The following EPHA5 variants were observed in gnomAD, a reference collection of about 807,000 sequenced individuals.
EPHA5 encodes the protein EPH receptor A5.
Under a neutral mutation model 105.0 loss-of-function variants are expected in EPHA5, and 60 were observed. The ratio of observed to expected loss-of-function variants is 0.57; its 90% CI spans 0.46 to 0.71. The LOEUF is 0.71. Ranked by LOEUF, EPHA5 falls within the 30% of genes least tolerant of loss-of-function variation. The pLI is 0.00. For missense variants in EPHA5, 1,218 were observed against 1,274.7 expected, an observed-to-expected ratio of 0.96 and a Z score of 0.68; for synonymous variants, 513 against 449.1, an observed-to-expected ratio of 1.14 and a Z score of -1.80.
intron 3 of EPHA5, among the ~76,000 whole-genome samples, chr4:65,526,472 T>C (rs192882528): frequency 2.6e-3 from 397 of 152,114 alleles, no homozygotes; most frequent in African/African-American, 9.0e-3. Context: ...ATTAAAAATT[T>C]GATTTCATTG....
chr4:65,433,443 G>T (rs1725177421), intron 5 of EPHA5, among the ~76,000 whole-genome samples: 1 of 152,128 alleles, frequency 6.6e-6, no homozygotes, highest in Admixed American at 6.6e-5. Context: ...GCCAGAACAT[G>T]CATAGTTAAA....
chr4:65,338,683 C>A (rs900771242), intron 14 of EPHA5, among the ~76,000 whole-genome samples: 1 of 152,008 alleles, frequency 6.6e-6, no homozygotes, highest in African/African-American at 2.4e-5. Context: ...AAATTTAATT[C>A]TAAATTAATT....
At chr4:65,455,711 A>G (rs530965731) in intron 5 of EPHA5, among the ~76,000 whole-genome samples, 1 of 152,294 alleles carries the variant, frequency 6.6e-6, no homozygotes, top group Non-Finnish European at 1.5e-5. Context: ...CACATAAAGA[A>G]AAAAAGCAGA....
intron 14 of EPHA5, among the ~76,000 whole-genome samples, chr4:65,337,085 T>C (rs1007226944): frequency 6.6e-6 from 1 of 152,102 alleles, no homozygotes; most frequent in Non-Finnish European, 1.5e-5. Flanking sequence ...TTTTTTTTTC[T>C]TTTTCTGCTG....
In EPHA5 at chr4:65,564,406, C is replaced by T. The variant is rs567418472; in HGVS notation, c.910+37235G>A. Among the ~76,000 whole-genome samples the T allele has an allele frequency of 4.6e-5, 7 of 151,830 alleles. No homozygotes were observed. In the South Asian group the frequency reaches 1.2e-3, roughly 27 times the overall value. Reference sequence around the variant, plus strand: ...TTACATTAGGAGATTGTCAAAATTACTTATTCCTTTTCTTCCTCATTTTCA... The same window carrying T: ...TTACATTAGGAGATTGTCAAAATTATTTATTCCTTTTCTTCCTCATTTTCA... On this transcript the variant is annotated intron_variant, in intron 3 of 16. Transcript: ENST00000613740.
Position 65,530,569 on chromosome 4 carries a change from A to G in EPHA5, c.911-35026T>C, listed in dbSNP as rs1578348869. 3.3e-5 allele frequency among the ~76,000 whole-genome samples: 5 copies of G among 152,306 alleles called. 2 individuals carry two copies. The highest frequency in any genetic ancestry group is 3.3e-4 in the Admixed American group (5 of 15,298). ...GTAAATTATAGAAATTGTTGAATAAATTGTAGAAATCCAGCATAAATTGAG... is the reference window on the plus strand; with the variant it reads ...GTAAATTATAGAAATTGTTGAATAAGTTGTAGAAATCCAGCATAAATTGAG... On this transcript the variant is annotated intron_variant, in intron 3 of 16. Coordinates refer to ENST00000613740, the MANE Select transcript of EPHA5 (RefSeq NM_001281766.3).
intron 5 of EPHA5, among the ~76,000 whole-genome samples, chr4:65,432,109 A>T (rs375707918): frequency 6.6e-6 from 1 of 152,190 alleles, no homozygotes; most frequent in African/African-American, 2.4e-5. Context: ...AGCCTTTATG[A>T]CATTATGTTA....
chr4:65,512,285 T>C (rs1352730283), intron 3 of EPHA5, among the ~76,000 whole-genome samples: 2 of 152,112 alleles, frequency 1.3e-5, no homozygotes, highest in East Asian at 1.9e-4. Flanking sequence ...ACATTGCTAG[T>C]GGTCGGTGAG....
intron 3 of EPHA5, among the ~76,000 whole-genome samples, chr4:65,519,995 A>G (rs1284671993): frequency 6.6e-6 from 1 of 152,196 alleles, no homozygotes; most frequent in Admixed American, 6.5e-5. Context: ...TCAAGCTACC[A>G]ATGACTTTCT....
chr4:65,419,765 T>A (rs62298035), intron 6 of EPHA5, among the ~76,000 whole-genome samples: 15,127 of 152,176 alleles, frequency 0.099, 975 homozygotes, highest in Middle Eastern at 0.23. Flanking sequence ...TCAGCTTCCA[T>A]CTGTATGACT....
rs1298714075 is a variant in EPHA5, at chr4:65,319,766, T to G, written c.*4348A>C. 1 of 227,890 alleles carries G rather than the reference T, an allele frequency of 4.4e-6. No homozygotes were observed. The highest frequency in any genetic ancestry group is 6.2e-5 in the East Asian group (1 of 16,032). The allele number at this position is 227,890 out of a possible 1,614,324, so 14.1% of individuals were successfully genotyped here. On this transcript the variant is annotated 3_prime_UTR_variant, in exon 17 of 17. Transcript: ENST00000613740. The stretch of plus-strand genomic sequence containing the variant: ...CATAGAATAAGATATGCTATATAGC[T>G]GCTTCTGACATGTCTGAAACTAAGA...
At chr4:65,424,662 T>G (rs932151645) in intron 5 of EPHA5, among the ~76,000 whole-genome samples, 1 of 152,086 alleles carries the variant, frequency 6.6e-6, no homozygotes, top group Non-Finnish European at 1.5e-5. Flanking sequence ...TATTTGTCGC[T>G]TCTTCTCTGA....
At chr4:65,599,348 AACAC>A (rs71657190) in intron 3 of EPHA5, among the ~76,000 whole-genome samples, 9,151 of 148,650 alleles carry the variant, frequency 0.062, 374 homozygotes, top group Admixed American at 0.11. Flanking sequence ...GGCATTTTAT[AACAC>A]ACACACACAC....
At chr4:65,460,654 A>G (rs184130856) in intron 5 of EPHA5, among the ~76,000 whole-genome samples, 79 of 151,844 alleles carry the variant, frequency 5.2e-4, no homozygotes, top group Admixed American at 3.9e-3. Context: ...ATAGGCAGGT[A>G]GATAAAAATT....
At chr4:65,463,838 T>A (rs1728352594) in intron 5 of EPHA5, among the ~76,000 whole-genome samples, 1 of 152,064 alleles carries the variant, frequency 6.6e-6, no homozygotes, top group African/African-American at 2.4e-5. Context: ...TACATAGAGA[T>A]CCTGAGATAG....
intron 1 of EPHA5, among the ~76,000 whole-genome samples, chr4:65,662,660 A>G (rs1749651038): frequency 6.6e-6 from 1 of 152,174 alleles, no homozygotes; most frequent in Admixed American, 6.5e-5. Flanking sequence ...TTTTATCTTC[A>G]GGGTCATAGT....
chr4:65,358,814 T>C (rs1723551182), intron 11 of EPHA5, among the ~76,000 whole-genome samples: 1 of 151,590 alleles, frequency 6.6e-6, no homozygotes, highest in South Asian at 2.1e-4. Flanking sequence ...AGCATGGAAA[T>C]GCAAAATGTC....
At chr4:65,325,468 CCA>C (rs1719988084) in intron 16 of EPHA5, among the ~76,000 whole-genome samples, 1 of 149,252 alleles carries the variant, frequency 6.7e-6, no homozygotes, top group Non-Finnish European at 1.5e-5. Flanking sequence ...AGCTACCCCC[CCA>C]AAAAAATGCT....
chr4:65,508,041 T>C (rs1733240274), intron 3 of EPHA5, among the ~76,000 whole-genome samples: 1 of 152,088 alleles, frequency 6.6e-6, no homozygotes, highest in Admixed American at 6.6e-5. Flanking sequence ...ATGAAAAATA[T>C]GAACTAAATA....
Sources: gnomAD v4.1 joint callset for allele counts (sites outside exome capture counted in the v4.1 genomes callset) on GRCh38, gnomAD v4.1.1 for gene constraint, MANE v1.5 for transcripts, NCBI Gene and HGNC (gene_info 2026-07-23, HGNC 2026-07-21) for gene names.